Variants in AFAP1 observed in about 807,000 individuals in gnomAD.
The protein encoded by AFAP1 is actin filament-associated protein 1.
A neutral mutation model predicts 93.9 loss-of-function variants in AFAP1; 75 were observed. The observed-to-expected ratio is 0.80, with a 90% confidence interval of 0.66 to 0.97. The LOEUF (loss-of-function observed/expected upper bound fraction) is 0.97. Among genes scored for constraint, AFAP1 ranks in the 50% least tolerant of loss-of-function variants. AFAP1 has a pLI of 0.00. For synonymous variants in AFAP1, 517 were observed against 430.7 expected, an observed-to-expected ratio of 1.20 and a Z score of -2.48; for missense variants, 1,201 against 1,050.8, an observed-to-expected ratio of 1.14 and a Z score of -1.98.
At chr4:7,903,950 T>G (rs1046178486) in intron 1 of AFAP1, among the ~76,000 whole-genome samples, 5 of 130,868 alleles carry the variant, frequency 3.8e-5, no homozygotes, top group African/African-American at 1.7e-4. Context: ...TTTAATGTCT[T>G]TTTTTTTTTT....
At chr4:7,899,519 C>T (rs1426335088) in intron 1 of AFAP1, among the ~76,000 whole-genome samples, 1 of 152,172 alleles carries the variant, frequency 6.6e-6, no homozygotes, top group Non-Finnish European at 1.5e-5. Flanking sequence ...ACTTCTTTAC[C>T]CTACTAAAGC....
intron 1 of AFAP1, among the ~76,000 whole-genome samples, chr4:7,884,043 T>TG (rs1718004634): frequency 6.6e-6 from 1 of 152,128 alleles, no homozygotes; most frequent in African/African-American, 2.4e-5. Context: ...CCTCATGGCT[T>TG]GGTGCTGTCC....
At chr4:7,783,500 C>T (rs1716975651) in intron 12 of AFAP1, among the ~76,000 whole-genome samples, 1 of 152,174 alleles carries the variant, frequency 6.6e-6, no homozygotes, top group African/African-American at 2.4e-5. Flanking sequence ...GAGCTGGTAA[C>T]AGAGCCGAAC....
chr4:7,881,215 C>T (rs971078804), intron 1 of AFAP1, among the ~76,000 whole-genome samples: 3 of 152,064 alleles, frequency 2.0e-5, no homozygotes, highest in Non-Finnish European at 4.4e-5. Flanking sequence ...CGTCCCCGCT[C>T]CCCTGTCTAG....
At chr4:7,856,608 T>C (rs569861851) in intron 3 of AFAP1, among the ~76,000 whole-genome samples, 51 of 152,304 alleles carry the variant, frequency 3.3e-4, no homozygotes, top group Non-Finnish European at 6.6e-4. Context: ...CCTTAGAATA[T>C]GGACGAGCTG....
At chr4:7,829,340 A>G (rs902297980) in intron 6 of AFAP1, among the ~76,000 whole-genome samples, 2 of 152,186 alleles carry the variant, frequency 1.3e-5, no homozygotes, top group African/African-American at 4.8e-5. Context: ...ACTTTATTCA[A>G]AGTGGTTGTG....
At chr4:7,799,082 C>G in intron 10 of AFAP1, 1 of 985,970 alleles carries the variant, frequency 1.0e-6, no homozygotes, top group Non-Finnish European at 1.2e-6. Flanking sequence ...TACACTGACT[C>G]TAGCTCAGCA....
chr4:7,862,604 A>G (rs1463553694), intron 3 of AFAP1, among the ~76,000 whole-genome samples: 1 of 152,204 alleles, frequency 6.6e-6, no homozygotes, highest in East Asian at 1.9e-4. Flanking sequence ...TATGTTACGG[A>G]TATTTTACCA....
At chr4:7,787,335 A>T (rs1717397194) in intron 11 of AFAP1, among the ~76,000 whole-genome samples, 3 of 152,362 alleles carry the variant, frequency 2.0e-5, no homozygotes, top group Admixed American at 2.0e-4. Context: ...GTCCTTTCAT[A>T]GTAAACTGGT....
At chr4:7,774,632 T>C (rs181005976) in intron 15 of AFAP1, 107 bp downstream of exon 15, 214 of 1,451,938 alleles carry the variant, frequency 1.5e-4, no homozygotes, top group Middle Eastern at 1.2e-3. Context: ...TCTTACTAAA[T>C]AAAATGACAG....
intron 1 of AFAP1, among the ~76,000 whole-genome samples, chr4:7,898,917 G>A (rs1718954889): frequency 6.7e-6 from 1 of 149,114 alleles, no homozygotes; most frequent in Non-Finnish European, 1.5e-5. Context: ...ATATATGTGT[G>A]TATATATAAA....
intron 6 of AFAP1, among the ~76,000 whole-genome samples, chr4:7,828,744 A>G (rs2149089137): frequency 6.6e-6 from 1 of 152,332 alleles, no homozygotes; most frequent in African/African-American, 2.4e-5. Context: ...CCACCTTTAC[A>G]GATGAAGAAA....
chr4:7,921,357 T>C (rs1720433140), intron 1 of AFAP1, among the ~76,000 whole-genome samples: 1 of 151,836 alleles, frequency 6.6e-6, no homozygotes, highest in Non-Finnish European at 1.5e-5. Flanking sequence ...CTAATTTTTT[T>C]ATTTTTAGCA....
At position 7,772,826 on chromosome 4, in the gene AFAP1, ACTCGATGTCCCTGACTTGGG is replaced by A. The variant is rs762620159; in HGVS notation, c.2227_2246del (p.Pro743SerfsTer20). On this transcript the variant is annotated frameshift_variant, in exon 16 of 18. Transcript: ENST00000420658. LOFTEE classifies it high-confidence loss of function. ...GAGCCAGAAGGACACACACCTGTGGACTCGATGTCCCTGACTTGGGCTCGATGGCCAGCCCCAGGGTGACT... is the reference window on the plus strand; with the variant it reads ...GAGCCAGAAGGACACACACCTGTGGACTCGATGGCCAGCCCCAGGGTGACT... 1.2e-6 allele frequency: 2 copies of A among 1,613,686 alleles called. No individual in the cohort carries two copies. Among genetic ancestry groups the A allele is most frequent in the Admixed American group, 1.7e-5 (1 of 60,000 alleles).
rs201836874 is a variant in AFAP1, at chr4:7,763,765, C to G, written c.2445G>C (p.Ter815TyrextTer22). ...GAGGCTGGAGTGGTGCTGCTGTCCC[C>G]TAGGTCCCGTTCTTCAATTCCCATT... The part of the protein sequence containing the change: ...AKEWELKNGT[*>Y] Residue 815 changes from the stop codon to tyrosine, a stop_lost, in exon 18 of 18, where the codon TAG becomes TAC. Transcript: ENST00000420658. 3.2e-6 allele frequency: 5 copies of G among 1,551,654 alleles called. No homozygotes were observed. The East Asian group carries it at 7.3e-5, about 23-fold the overall frequency.
rs1427451523 is a variant in AFAP1, at chr4:7,838,806, G to C, written c.547-103C>G. ...AAACCTGAGTGCGGGCAAGGCATCTGAAAGTCTGAATCTGCAGATGAGCAG... is the reference window on the plus strand; with the variant it reads ...AAACCTGAGTGCGGGCAAGGCATCTCAAAGTCTGAATCTGCAGATGAGCAG... On this transcript the variant is annotated intron_variant, in intron 5 of 17. Transcript: ENST00000420658. 3 of 1,297,998 alleles carry C rather than the reference G, an allele frequency of 2.3e-6. No individual in the cohort carries two copies. In the African/African-American group the frequency reaches 4.4e-5, roughly 19 times the overall value. 80.4% of individuals were successfully genotyped at this position (1,297,998 alleles called of 1,614,324 possible). A position where few individuals can be genotyped will look rare whatever the true frequency, so the allele number is the denominator to read the frequency against.
chr4:7,781,781 C>A (rs1386343581), intron 12 of AFAP1, among the ~76,000 whole-genome samples, 154 bp from the exon 13 acceptor site: 3 of 152,106 alleles, frequency 2.0e-5, no homozygotes, highest in Non-Finnish European at 4.4e-5. Flanking sequence ...ATCAATAAGG[C>A]ATGCACCCAC....
intron 1 of AFAP1, among the ~76,000 whole-genome samples, chr4:7,883,638 C>T (rs1560218816): frequency 6.6e-6 from 1 of 152,202 alleles, no homozygotes; most frequent in Non-Finnish European, 1.5e-5. Flanking sequence ...GACGTGAAAA[C>T]TGTAGCTTTC....
At chr4:7,843,727 C>T (rs1713349639) in intron 4 of AFAP1, 1 of 193,162 alleles carries the variant, frequency 5.2e-6, no homozygotes, top group Non-Finnish European at 1.1e-5. Context: ...GGTCCCTTGC[C>T]CTCCCACGTC....
Sources: gnomAD v4.1 joint callset for allele counts (sites outside exome capture counted in the v4.1 genomes callset) on GRCh38, gnomAD v4.1.1 for gene constraint, MANE v1.5 for transcripts, NCBI Gene and HGNC (gene_info 2026-07-23, HGNC 2026-07-21) for gene names.